Variants in TMEM51 observed in about 807,000 individuals in gnomAD.
TMEM51 encodes chromosome 1 open reading frame 72.
A neutral mutation model predicts 13.6 loss-of-function variants in TMEM51; 8 were observed. The observed-to-expected ratio is 0.59, with a 90% CI of 0.35 to 1.07. The LOEUF is 1.07. TMEM51 is among the 50% of genes least tolerant of loss of function. The pLI is 0.02. For missense variants in TMEM51, 279 were observed against 330.7 expected (o/e 0.84, Z 1.21); for synonymous variants, 147 against 144.4 (o/e 1.02, Z -0.13).
At chr1:15,216,312 A>G (rs1644432043) in intron 3 of TMEM51, among the ~76,000 whole-genome samples, 2 of 152,238 alleles carry the variant, frequency 1.3e-5, no homozygotes, top group South Asian at 4.1e-4. Context: ...TGATATCCCT[A>G]TTATAAAAAG....
intron 1 of TMEM51, among the ~76,000 whole-genome samples, chr1:15,189,897 G>A (rs1014295456): frequency 6.6e-6 from 1 of 152,240 alleles, no homozygotes; most frequent in Non-Finnish European, 1.5e-5. Flanking sequence ...AACCCAAGGT[G>A]GCAGAGAGGC....
chr1:15,187,766 CCTT>C (rs551049593), intron 1 of TMEM51, among the ~76,000 whole-genome samples: 31 of 152,292 alleles, frequency 2.0e-4, no homozygotes, highest in Admixed American at 1.9e-3. Context: ...GGGACTCTGT[CCTT>C]CTTCCCTCAC....
chr1:15,217,774 G>T (rs1557861569), intron 3 of TMEM51, among the ~76,000 whole-genome samples: 1 of 152,072 alleles, frequency 6.6e-6, no homozygotes, highest in East Asian at 1.9e-4. Flanking sequence ...GGGTTGGATG[G>T]TGCCACCACA....
At chr1:15,193,575 C>CTTTCTTTCTTTTTTTTTTTTTT (rs1249772503) in intron 1 of TMEM51, among the ~76,000 whole-genome samples, 2 of 114,656 alleles carry the variant, frequency 1.7e-5, no homozygotes, top group African/African-American at 7.1e-5. Flanking sequence ...TTCTTTCTTT[C>CTTTCTTTCTTTTTTTTTTTTTT]TTTTTTTTTT....
At chr1:15,212,840 C>T (rs963571512) in intron 2 of TMEM51, among the ~76,000 whole-genome samples, 2 of 152,240 alleles carry the variant, frequency 1.3e-5, no homozygotes, top group Non-Finnish European at 2.9e-5. Flanking sequence ...CATAGGTGCT[C>T]GCACGCATGC....
At chr1:15,195,185 G>A (rs1164328881) in intron 1 of TMEM51, among the ~76,000 whole-genome samples, 1 of 151,884 alleles carries the variant, frequency 6.6e-6, no homozygotes, top group African/African-American at 2.4e-5. Flanking sequence ...TGCCTACCTC[G>A]GCCTCCCAAA....
At chr1:15,182,184 A>G (rs1216017329) in intron 1 of TMEM51, among the ~76,000 whole-genome samples, 1 of 146,790 alleles carries the variant, frequency 6.8e-6, no homozygotes, top group Non-Finnish European at 1.5e-5. Flanking sequence ...AAATAAATAA[A>G]TAAATAAATA....
At chr1:15,167,326 C>CCA (rs1557833411) in intron 1 of TMEM51, among the ~76,000 whole-genome samples, 6 of 69,450 alleles carry the variant, frequency 8.6e-5, no homozygotes, top group Non-Finnish European at 1.7e-4. Context: ...GACTCCATCT[C>CCA]AAAAAAAAAA....
intron 1 of TMEM51, among the ~76,000 whole-genome samples, chr1:15,198,706 C>T (rs1644097455): frequency 6.6e-6 from 1 of 152,222 alleles, no homozygotes; most frequent in Non-Finnish European, 1.5e-5. Flanking sequence ...GCGTGAGCCA[C>T]CCCACCTGGC....
chr1:15,208,572 A>G (rs1352799998), intron 1 of TMEM51, among the ~76,000 whole-genome samples: 2 of 152,204 alleles, frequency 1.3e-5, no homozygotes, highest in East Asian at 3.9e-4. Context: ...TCGAGGCTGC[A>G]GTGAGCTATG....
intron 1 of TMEM51, among the ~76,000 whole-genome samples, chr1:15,173,257 T>A (rs1038769852): frequency 2.7e-4 from 40 of 146,402 alleles, no homozygotes; most frequent in African/African-American, 9.5e-4. Flanking sequence ...TTTCGCTCTT[T>A]TGCCTAGGCT....
chr1:15,160,466 G>A (rs979425952), intron 1 of TMEM51, among the ~76,000 whole-genome samples: 16 of 151,950 alleles, frequency 1.1e-4, no homozygotes, highest in Middle Eastern at 3.4e-3. Context: ...TAGAGATAGG[G>A]TTTCACCATG....
intron 1 of TMEM51, among the ~76,000 whole-genome samples, chr1:15,191,292 C>T (rs986894957): frequency 1.9e-4 from 29 of 152,226 alleles, no homozygotes; most frequent in African/African-American, 7.0e-4. Flanking sequence ...CCGTTGGTCA[C>T]CTTGATTGTA....
At position 15,161,779 on chromosome 1, in the gene TMEM51, A is replaced by C. The variant is rs1306280028; in HGVS notation, c.-267+7825A>C. ...CCCAGTCTTTACTAAAAATACAAAA[A>C]TTAGCCAGGCATGGTGGCGGGCACC... On this transcript the variant is annotated intron_variant, in intron 1 of 3. Coordinates refer to ENST00000376008, the MANE Select transcript of TMEM51 (RefSeq NM_001136218.2). This position sits in a 1 kb window ranked among gnomAD's most constrained non-coding sequence, Gnocchi z 4.0. Among the ~76,000 whole-genome samples the C allele has an allele frequency of 6.6e-6, 1 of 151,854 alleles. No individual in the cohort carries two copies. The highest frequency in any genetic ancestry group is 1.5e-5 in the Non-Finnish European group (1 of 68,022).
At chr1:15,192,361 C>T (rs1012291818) in intron 1 of TMEM51, 13 of 394,902 alleles carry the variant, frequency 3.3e-5, no homozygotes, top group South Asian at 9.2e-5. Context: ...TCTCCAGAAC[C>T]TGCACACTAG....
At chr1:15,185,085 T>G (rs1643734856) in intron 1 of TMEM51, among the ~76,000 whole-genome samples, 1 of 151,760 alleles carries the variant, frequency 6.6e-6, no homozygotes. Context: ...GTTCCCAGTG[T>G]GCTTGATGGT....
chr1:15,158,361 C>T (rs1385415243), intron 1 of TMEM51, among the ~76,000 whole-genome samples: 1 of 152,188 alleles, frequency 6.6e-6, no homozygotes, highest in Non-Finnish European at 1.5e-5. Context: ...ATGGAAGCCA[C>T]GGGCCATCTG....
At chr1:15,208,050 C>T (rs1309314672) in intron 1 of TMEM51, among the ~76,000 whole-genome samples, 3 of 152,132 alleles carry the variant, frequency 2.0e-5, no homozygotes, top group Admixed American at 6.6e-5. Context: ...TCCTGGCATG[C>T]GGTGCTGGGG....
chr1:15,191,813 G>A (rs1178002603), intron 1 of TMEM51: 1 of 407,308 alleles, frequency 2.5e-6, no homozygotes, highest in Non-Finnish European at 5.0e-6. Context: ...GAGAGCTGAT[G>A]TTACTCTAGT....
Sources: gnomAD v4.1 joint callset for allele counts (sites outside exome capture counted in the v4.1 genomes callset) on GRCh38, gnomAD v4.1.1 for gene constraint, Gnocchi (gnomAD v3.1) non-coding constraint, MANE v1.5 for transcripts, NCBI Gene and HGNC (gene_info 2026-07-23, HGNC 2026-07-21) for gene names.